The following TMEM132D variants were observed in gnomAD, a reference collection of about 807,000 sequenced individuals.
The protein encoded by TMEM132D is transmembrane protein 132D, also known as mature OL transmembrane protein.
Under a neutral mutation model 62.3 loss-of-function variants are expected in TMEM132D, and 21 were observed. That is an observed-to-expected ratio of 0.34 (90% confidence interval 0.24 to 0.49). TMEM132D has a LOEUF of 0.49. Ranked by LOEUF, TMEM132D falls within the 20% of genes least tolerant of loss-of-function variation. The probability of loss-of-function intolerance (pLI) is 0.99; values close to 1 mark genes in which losing one functional copy is unlikely to be tolerated. For synonymous variants in TMEM132D, 621 were observed against 575.6 expected, an observed-to-expected ratio of 1.08 and a Z score of -1.13; for missense variants, 1,346 against 1,402.8, an observed-to-expected ratio of 0.96 and a Z score of 0.65.
At chr12:129,302,561 G>C (rs1232088214) in intron 4 of TMEM132D, among the ~76,000 whole-genome samples, 2 of 152,220 alleles carry the variant, frequency 1.3e-5, no homozygotes, top group Non-Finnish European at 2.9e-5. Flanking sequence ...TGGAGTCTGT[G>C]GGTCAGCTGG....
intron 1 of TMEM132D, among the ~76,000 whole-genome samples, chr12:129,750,802 A>G (rs1869974942): frequency 6.6e-6 from 1 of 152,172 alleles, no homozygotes; most frequent in Non-Finnish European, 1.5e-5. Flanking sequence ...ACAATAATGT[A>G]TATTTTGAAG....
intron 5 of TMEM132D, among the ~76,000 whole-genome samples, chr12:129,176,250 A>G (rs1877902144): frequency 6.6e-6 from 1 of 152,126 alleles, no homozygotes; most frequent in African/African-American, 2.4e-5. Flanking sequence ...TGGTGGCAAA[A>G]TCTCCCTCAC....
intron 1 of TMEM132D, among the ~76,000 whole-genome samples, chr12:129,740,834 T>A (rs934965294): frequency 2.6e-5 from 4 of 152,210 alleles, no homozygotes; most frequent in Non-Finnish European, 5.9e-5. Flanking sequence ...ATAAAGTAAG[T>A]TGATGGTGCA....
At chr12:129,283,075 G>GACAGATCTAT (rs1881200019) in intron 4 of TMEM132D, among the ~76,000 whole-genome samples, 1 of 152,174 alleles carries the variant, frequency 6.6e-6, no homozygotes, top group Non-Finnish European at 1.5e-5. Context: ...GATACCTATA[G>GACAGATCTAT]ATCTGTCATT....
chr12:129,878,628 G>A (rs12826930), intron 1 of TMEM132D, among the ~76,000 whole-genome samples: 5,748 of 151,554 alleles, frequency 0.038, 143 homozygotes, highest in Non-Finnish European at 0.055. Flanking sequence ...CCAGGCTGGA[G>A]TGCAGTGGCA....
intron 2 of TMEM132D, among the ~76,000 whole-genome samples, chr12:129,594,269 C>G (rs929018356): frequency 6.6e-6 from 1 of 152,140 alleles, no homozygotes; most frequent in Non-Finnish European, 1.5e-5. Context: ...GATGATGATT[C>G]GCTTCCACGT....
chr12:129,786,138 T>TC (rs371181256), intron 1 of TMEM132D, among the ~76,000 whole-genome samples: 14 of 152,174 alleles, frequency 9.2e-5, no homozygotes, highest in Admixed American at 2.0e-4. Context: ...TGTCCACCAC[T>TC]CCCTCTTCCT....
chr12:129,101,998 T>C (rs1306636229), intron 5 of TMEM132D, among the ~76,000 whole-genome samples: 3 of 149,268 alleles, frequency 2.0e-5, no homozygotes, highest in Non-Finnish European at 3.0e-5. Context: ...TTTTTTTTTT[T>C]TCTCTCTCTC....
intron 2 of TMEM132D, among the ~76,000 whole-genome samples, chr12:129,616,185 T>G (rs988521739): frequency 1.3e-5 from 2 of 152,228 alleles, no homozygotes; most frequent in Admixed American, 6.5e-5. Flanking sequence ...CCAGAAAACC[T>G]GCATGCTGAG....
At chr12:129,186,755 G>A (rs77314906) in intron 5 of TMEM132D, among the ~76,000 whole-genome samples, 12,288 of 152,236 alleles carry the variant, frequency 0.081, 585 homozygotes, top group Middle Eastern at 0.12. Flanking sequence ...CAATCACTCC[G>A]CAGGAGATTT....
At position 129,824,621 on chromosome 12, in the gene TMEM132D, G is replaced by A. The variant is rs76887827; in HGVS notation, c.79+78640C>T. On this transcript the variant is annotated intron_variant, in intron 1 of 8. Coordinates refer to ENST00000422113, the MANE Select transcript of TMEM132D (RefSeq NM_133448.3). ...AGAGCTTCCTTTATCCACCATGCAA[G>A]GGCACAGCAAGAAGGTGTCCATCTG... Among the ~76,000 whole-genome samples, 55 of 152,300 alleles carry A rather than the reference G, an allele frequency of 3.6e-4. No homozygotes were observed. In the East Asian group the frequency reaches 8.7e-3, roughly 24 times the overall value.
intron 4 of TMEM132D, chr12:129,212,686 TC>T (rs1879089745): frequency 6.6e-6 from 1 of 152,232 alleles, no homozygotes; most frequent in African/African-American, 2.4e-5. Flanking sequence ...CGTCAGTCAA[TC>T]ATAATCCTTA....
Position 129,277,164 on chromosome 12 carries a change from G to A in TMEM132D, c.1299+60470C>T, listed in dbSNP as rs1881026122. Among the ~76,000 whole-genome samples the A allele has an allele frequency of 6.6e-6, 1 of 152,192 alleles. No individual in the cohort carries two copies. The highest frequency in any genetic ancestry group is 2.4e-5 in the African/African-American group (1 of 41,458). On this transcript the variant is annotated intron_variant, in intron 4 of 8. Transcript: ENST00000422113. This position sits in a 1 kb window ranked among gnomAD's most constrained non-coding sequence, Gnocchi z 4.2. ...TGTGGGTGAGAACAGTGGGTGTGTG[G>A]AGAACAAAAACTATGGAAACAAGCC...
chr12:129,472,868 T>G (rs1175209050), intron 3 of TMEM132D, among the ~76,000 whole-genome samples: 2 of 151,750 alleles, frequency 1.3e-5, no homozygotes, highest in Non-Finnish European at 2.9e-5. Flanking sequence ...GTTGTCTTAT[T>G]TTAAGACTTT....
chr12:129,863,932 T>C (rs1307750923), intron 1 of TMEM132D, among the ~76,000 whole-genome samples: 2 of 152,206 alleles, frequency 1.3e-5, no homozygotes, highest in African/African-American at 4.8e-5. Context: ...TATGGTGGGT[T>C]TTAAAATAAG....
At chr12:129,442,428 T>C (rs544364897) in intron 3 of TMEM132D, among the ~76,000 whole-genome samples, 3 of 152,220 alleles carry the variant, frequency 2.0e-5, no homozygotes, top group Admixed American at 6.5e-5. Flanking sequence ...CTCTACCCTT[T>C]CCAGATGCTG....
At chr12:129,346,993 C>T (rs188358104) in intron 3 of TMEM132D, among the ~76,000 whole-genome samples, 10 of 152,278 alleles carry the variant, frequency 6.6e-5, no homozygotes, top group African/African-American at 2.2e-4. Context: ...AGGAATACAA[C>T]TTATGAGGGA....
chr12:129,325,082 A>G (rs1470977798), intron 4 of TMEM132D, among the ~76,000 whole-genome samples: 1 of 152,144 alleles, frequency 6.6e-6, no homozygotes, highest in Non-Finnish European at 1.5e-5. Flanking sequence ...TACCTCACCC[A>G]AAGTCTGCTC....
chr12:129,431,873 C>A (rs750728456), intron 3 of TMEM132D, among the ~76,000 whole-genome samples: 4 of 152,192 alleles, frequency 2.6e-5, no homozygotes, highest in Non-Finnish European at 5.9e-5. Context: ...TTTCCTTGAA[C>A]ACACCAAGCA....
Sources: allele counts gnomAD v4.1 joint callset (sites outside exome capture counted in the v4.1 genomes callset), GRCh38; gene constraint gnomAD v4.1.1; non-coding constraint Gnocchi (gnomAD v3.1); transcripts MANE v1.5; gene names NCBI Gene and HGNC (gene_info 2026-07-23, HGNC 2026-07-21).